JMJD1C: variants seen among roughly 807,000 people sequenced by gnomAD.
JMJD1C encodes jumonji domain-containing protein 1C.
JMJD1C carries 31 observed loss-of-function variants against 245.3 expected under a neutral mutation model. The ratio of observed to expected loss-of-function variants is 0.13; its 90% confidence interval spans 0.09 to 0.17. The LOEUF is 0.17. Among genes scored for constraint, JMJD1C ranks in the 10% least tolerant of loss-of-function variants. JMJD1C has a pLI of 1.00. For missense variants in JMJD1C, 2,691 were observed against 3,000.2 expected (o/e 0.90, Z 2.41); for synonymous variants, 1,057 against 1,017.4 (o/e 1.04, Z -0.74).
intron 2 of JMJD1C, among the ~76,000 whole-genome samples, chr10:63,363,791 C>A (rs564053654): frequency 1.3e-5 from 2 of 151,796 alleles, no homozygotes; most frequent in Admixed American, 6.6e-5. Context: ...TGATCCTCCC[C>A]CTCTGGCCCC....
At chr10:63,179,509 A>C (rs1843221592) in intron 22 of JMJD1C, among the ~76,000 whole-genome samples, 3 of 152,178 alleles carry the variant, frequency 2.0e-5, no homozygotes, top group Admixed American at 6.5e-5. Flanking sequence ...TAGGTGGCTC[A>C]CATCTGTAAC....
chr10:63,272,169 G>A (rs1382576943), intron 2 of JMJD1C, among the ~76,000 whole-genome samples: 1 of 152,056 alleles, frequency 6.6e-6, no homozygotes. Context: ...AAAAAGAGAT[G>A]GGCAATGATT....
At chr10:63,447,428 T>C (rs1951782954) in intron 1 of JMJD1C, among the ~76,000 whole-genome samples, 1 of 152,214 alleles carries the variant, frequency 6.6e-6, no homozygotes, top group South Asian at 2.1e-4. Context: ...TGTTAATGCA[T>C]TTAGATTCCC....
intron 1 of JMJD1C, chr10:63,521,672 G>A: frequency 3.3e-6 from 3 of 920,930 alleles, no homozygotes; most frequent in Non-Finnish European, 4.4e-6. Flanking sequence ...GCCTGGGCCT[G>A]GGCGGGGACG....
chr10:63,410,205 G>A (rs1949402564), intron 1 of JMJD1C, among the ~76,000 whole-genome samples: 1 of 152,012 alleles, frequency 6.6e-6, no homozygotes. Flanking sequence ...AATACATACA[G>A]TGACATATAA....
In JMJD1C at chr10:63,217,382, T is replaced by C. The variant is rs773983439; in HGVS notation, c.554-51A>G. On this transcript the variant is annotated intron_variant, in intron 4 of 25. Transcript: ENST00000399262. ...ACATCTTAAATGGAGACATCTTCAT[T>C]TAATAACTGCCTTTTAGAAGAAACA... The C allele has an allele frequency of 2.1e-6, 3 of 1,422,908 alleles. No individual in the cohort carries two copies. In the East Asian group the frequency reaches 7.0e-5, roughly 33 times the overall value. 88.1% of individuals were successfully genotyped at this position (1,422,908 alleles called of 1,614,324 possible). A position where few individuals can be genotyped will look rare whatever the true frequency, so the allele number is the denominator to read the frequency against.
chr10:63,463,675 A>C (rs1251171772), intron 1 of JMJD1C, among the ~76,000 whole-genome samples: 1 of 152,210 alleles, frequency 6.6e-6, no homozygotes, highest in Non-Finnish European at 1.5e-5. Flanking sequence ...AAACTCATCA[A>C]GGGTTCACAT....
chr10:63,190,658 AT>A lies in JMJD1C; in HGVS notation c.6291+235del, dbSNP rs1419777273. Among the ~76,000 whole-genome samples, 3 of 152,154 alleles carry A rather than the reference AT, an allele frequency of 2.0e-5. No individual in the cohort carries two copies. The East Asian group carries it at 5.8e-4, about 29-fold the overall frequency. On this transcript the variant is annotated intron_variant, in intron 17 of 25. Coordinates refer to ENST00000399262, the MANE Select transcript of JMJD1C (RefSeq NM_032776.3). The stretch of plus-strand genomic sequence containing the variant: ...AATAGTTTCCAAATTCTAAAGGGGT[AT>A]CTTAGGGACCTTCTGGAATCGAAGA...
chr10:63,193,103 G>A lies in JMJD1C; in HGVS notation c.5911C>T (p.Pro1971Ser), dbSNP rs1219256331. 1 of 1,613,930 alleles carries A rather than the reference G, an allele frequency of 6.2e-7. No homozygotes were observed. Among genetic ancestry groups the A allele is most frequent in the East Asian group, 2.2e-5 (1 of 44,872 alleles). The part of the protein sequence containing the change: ...NHSNKISLCM[P>S]ESQQQNTPPK... Reference sequence around the variant, plus strand: ...GGAGTATTTTGCTGCTGAGACTCAGGCATGCACAGAGAAATTTTATTACTG... The same window carrying A: ...GGAGTATTTTGCTGCTGAGACTCAGACATGCACAGAGAAATTTTATTACTG... Residue 1971 changes from proline to serine, a missense_variant, in exon 16 of 26, where the codon CCT (proline) becomes TCT (serine). By Grantham distance (74) the Pro-to-Ser change is moderately conservative. Coordinates refer to ENST00000399262, the MANE Select transcript of JMJD1C (RefSeq NM_032776.3).
At chr10:63,517,025 T>TC (rs2133303153) in intron 1 of JMJD1C, among the ~76,000 whole-genome samples, 1 of 152,282 alleles carries the variant, frequency 6.6e-6, no homozygotes, top group East Asian at 1.9e-4. Context: ...ATCCTCTCTC[T>TC]CCCCCTATTT....
rs1846702106 is a variant in JMJD1C at position 63,206,969 on chromosome 10, T to G, written c.4700A>C (p.Lys1567Thr). ...TACAGAATTCCCTGAATTTTCCATTTTATTAGTATTTTTATCTTCTTCTGA... is the reference window on the plus strand; with the variant it reads ...TACAGAATTCCCTGAATTTTCCATTGTATTAGTATTTTTATCTTCTTCTGA... ...RHSEEDKNTNKMENSGNSVSE... is the reference protein window; with the variant it reads ...RHSEEDKNTNTMENSGNSVSE... The change falls in exon 10 of 26, where the codon AAA becomes ACA. Residue 1567 changes from lysine to threonine, a missense_variant. Around this residue, in one of 9 missense-constraint regions of JMJD1C, gnomAD observed 144 missense variants for 143.3 expected, o/e 1.00. Transcript: ENST00000399262. 1 of 1,611,470 alleles carries G rather than the reference T, an allele frequency of 6.2e-7. No individual in the cohort carries two copies. Among genetic ancestry groups the G allele is most frequent in the Non-Finnish European group, 8.5e-7 (1 of 1,179,384 alleles).
At chr10:63,439,464 A>T (rs866230727) in intron 1 of JMJD1C, among the ~76,000 whole-genome samples, 7 of 152,280 alleles carry the variant, frequency 4.6e-5, no homozygotes, top group Middle Eastern at 6.8e-3. Context: ...TCTCTTAAAA[A>T]TTTATTTATT....
intron 1 of JMJD1C, among the ~76,000 whole-genome samples, chr10:63,433,390 C>T (rs1162797223): frequency 6.6e-6 from 1 of 152,056 alleles, no homozygotes; most frequent in East Asian, 1.9e-4. Context: ...GCCACCGCGC[C>T]CGGCCTAAGG....
chr10:63,474,970 A>G (rs1564958331), intron 1 of JMJD1C, among the ~76,000 whole-genome samples: 1 of 152,146 alleles, frequency 6.6e-6, no homozygotes. Context: ...GTGCTTACCC[A>G]TGGGGGTGGG....
In JMJD1C at chr10:63,444,265, C is replaced by CTATT. The variant is rs541550958; in HGVS notation, c.168+21226_168+21229dup. The stretch of plus-strand genomic sequence containing the variant: ...AATTTCAAAAAATTCTAGGACATTT[C>CTATT]TATTTATTTATTTATTTATTTATTT... On this transcript the variant is annotated intron_variant, in intron 1 of 25. Transcript: ENST00000399262. Among the ~76,000 whole-genome samples, 184 of 152,020 alleles carry CTATT rather than the reference C, an allele frequency of 1.2e-3. 2 individuals are homozygous for CTATT. The highest frequency in any genetic ancestry group is 3.4e-3 in the Middle Eastern group (1 of 292).
rs756136220 is a variant in JMJD1C, at chr10:63,185,632, C to T, written c.6761G>A (p.Gly2254Glu). The T allele has an allele frequency of 1.9e-6, 3 of 1,601,584 alleles. No homozygotes were observed. Among genetic ancestry groups the T allele is most frequent in the Non-Finnish European group, 2.6e-6 (3 of 1,168,472 alleles). Residue 2254 changes from glycine to glutamate, a missense_variant, in exon 20 of 26, where the codon GGA becomes GAA. By Grantham distance (98) the Gly-to-Glu change is moderately conservative. Around this residue, in one of 9 missense-constraint regions of JMJD1C, gnomAD observed 232 missense variants for 416.1 expected, o/e 0.56. Coordinates refer to ENST00000399262, the MANE Select transcript of JMJD1C (RefSeq NM_032776.3). ...EVSKRQKNKS[G>E]ETVVLKLKDW... ...TTTCAATTTTAAAACAACTGTTTCT[C>T]CACTCTTGTTTTTCTGCCGTTCTAT...
At chr10:63,175,925 T>C (rs965944311) in intron 24 of JMJD1C, among the ~76,000 whole-genome samples, 3 of 152,324 alleles carry the variant, frequency 2.0e-5, no homozygotes, top group South Asian at 4.1e-4. Flanking sequence ...TATGCTAGCA[T>C]GCTGAAGAAA....
intron 1 of JMJD1C, among the ~76,000 whole-genome samples, chr10:63,520,261 G>C (rs1955167114): frequency 6.6e-6 from 1 of 152,072 alleles, no homozygotes; most frequent in Non-Finnish European, 1.5e-5. Flanking sequence ...AAAGGCAAGA[G>C]ACAGACTACA....
intron 2 of JMJD1C, among the ~76,000 whole-genome samples, chr10:63,304,298 G>A (rs916247942): frequency 6.6e-6 from 1 of 152,082 alleles, no homozygotes; most frequent in Non-Finnish European, 1.5e-5. Flanking sequence ...ATCAGAACGC[G>A]TTGGTAACAG....
Sources: gnomAD v4.1 joint callset for allele counts (sites outside exome capture counted in the v4.1 genomes callset) on GRCh38, gnomAD v4.1.1 for gene constraint, gnomAD v4.1.1 regional missense constraint, MANE v1.5 for transcripts, NCBI Gene and HGNC (gene_info 2026-07-23, HGNC 2026-07-21) for gene names.